The following RBFOX1 variants were observed in gnomAD, a reference collection of about 807,000 sequenced individuals.
The protein encoded by RBFOX1 is RNA binding protein fox-1 homolog 1.
In RBFOX1, 8 loss-of-function variants were observed where a neutral mutation model predicts 57.7. The observed-to-expected ratio is 0.14, with a 90% CI of 0.08 to 0.25. The LOEUF is 0.25. RBFOX1 is among the 10% of genes least tolerant of loss of function. The probability of loss-of-function intolerance (pLI) is 1.00; values close to 1 mark genes in which losing one functional copy is unlikely to be tolerated. For synonymous variants in RBFOX1, 326 were observed against 222.4 expected (o/e 1.47, Z -4.15); for missense variants, 611 against 548.5 (o/e 1.11, Z -1.14).
intron 1 of RBFOX1, among the ~76,000 whole-genome samples, chr16:6,208,818 G>C (rs1361293120): frequency 6.6e-6 from 1 of 152,102 alleles, no homozygotes; most frequent in Non-Finnish European, 1.5e-5. Flanking sequence ...TGAAGTAGTG[G>C]CTTCTGTCTT....
At chr16:5,497,826 C>A (rs1366738332) in intron 2 of RBFOX1, among the ~76,000 whole-genome samples, 5 of 151,918 alleles carry the variant, frequency 3.3e-5, no homozygotes, top group Non-Finnish European at 2.9e-5. Flanking sequence ...ATAATTGTCC[C>A]CAAGAATAAC....
intron 1 of RBFOX1, among the ~76,000 whole-genome samples, chr16:5,455,502 C>T (rs1307379989): frequency 6.6e-6 from 1 of 152,138 alleles, no homozygotes; most frequent in Non-Finnish European, 1.5e-5. Flanking sequence ...CAAAACCACC[C>T]CAAGGAGGCC....
At chr16:5,769,325 T>C (rs948087505) in intron 3 of RBFOX1, among the ~76,000 whole-genome samples, 1 of 151,918 alleles carries the variant, frequency 6.6e-6, no homozygotes, top group Non-Finnish European at 1.5e-5. Context: ...CCTAATCCAG[T>C]ATGACTGGTG....
chr16:5,415,097 A>C (rs1475563998), intron 1 of RBFOX1, among the ~76,000 whole-genome samples: 3 of 152,214 alleles, frequency 2.0e-5, no homozygotes, highest in Non-Finnish European at 4.4e-5. Flanking sequence ...GATAATGTCT[A>C]ATCACACCGT....
At chr16:6,985,343 C>T (rs2090004253) in intron 3 of RBFOX1, among the ~76,000 whole-genome samples, 1 of 152,122 alleles carries the variant, frequency 6.6e-6, no homozygotes, top group Admixed American at 6.5e-5. Context: ...TTATGCTGCA[C>T]ACACATACAT....
chr16:6,894,726 G>A (rs947118615), intron 3 of RBFOX1, among the ~76,000 whole-genome samples: 1 of 152,082 alleles, frequency 6.6e-6, no homozygotes, highest in African/African-American at 2.4e-5. Flanking sequence ...TTGTAAAAAG[G>A]TTACCAACAG....
At chr16:5,283,959 C>A (rs947808356) in intron 1 of RBFOX1, among the ~76,000 whole-genome samples, 1 of 152,066 alleles carries the variant, frequency 6.6e-6, no homozygotes, top group Non-Finnish European at 1.5e-5. Context: ...TGTGTCCCCA[C>A]CCAAATCTCA....
intron 11 of RBFOX1, 126 bp from the exon 12 acceptor site, chr16:7,653,688 CG>C (rs2065614739): frequency 7.3e-7 from 1 of 1,367,246 alleles, no homozygotes; most frequent in Non-Finnish European, 9.8e-7. Flanking sequence ...CTCTTGATTC[CG>C]GGAAGCGGGC....
intron 4 of RBFOX1, among the ~76,000 whole-genome samples, chr16:7,053,788 A>G (rs147980557): frequency 5.3e-5 from 8 of 152,274 alleles, no homozygotes; most frequent in African/African-American, 1.9e-4. Flanking sequence ...AGTCCCAAGT[A>G]TGGCTCCAAT....
intron 1 of RBFOX1, among the ~76,000 whole-genome samples, chr16:6,223,402 GT>G (rs2097391542): frequency 1.4e-5 from 2 of 147,596 alleles, no homozygotes; most frequent in Non-Finnish European, 3.0e-5. Flanking sequence ...TCTAACTGGT[GT>G]GAGATGGTAT....
At chr16:6,684,387 G>A (rs537431421) in intron 3 of RBFOX1, among the ~76,000 whole-genome samples, 1 of 152,218 alleles carries the variant, frequency 6.6e-6, no homozygotes, top group Non-Finnish European at 1.5e-5. Flanking sequence ...ATTGAGGGCA[G>A]ATGTTTTCAT....
chr16:6,806,718 C>T (rs1424743603), intron 3 of RBFOX1, among the ~76,000 whole-genome samples: 1 of 149,610 alleles, frequency 6.7e-6, no homozygotes. Context: ...CATGTATTAC[C>T]AGGGGAGCAT....
chr16:5,514,229 C>T (rs1312663188), intron 2 of RBFOX1, among the ~76,000 whole-genome samples: 1 of 152,164 alleles, frequency 6.6e-6, no homozygotes, highest in Admixed American at 6.5e-5. Context: ...TGAGGGTCTA[C>T]TGTTGGCTGA....
At chr16:6,892,822 CT>C (rs2065840160) in intron 3 of RBFOX1, among the ~76,000 whole-genome samples, 1 of 113,886 alleles carries the variant, frequency 8.8e-6, no homozygotes, top group Non-Finnish European at 1.9e-5. Flanking sequence ...CTCTCTCTCT[CT>C]CTCTATTCTG....
chr16:7,604,359 T>A (rs898748333), intron 9 of RBFOX1, among the ~76,000 whole-genome samples: 2 of 152,214 alleles, frequency 1.3e-5, no homozygotes, highest in Non-Finnish European at 2.9e-5. Flanking sequence ...GTTCCCATGA[T>A]GACCCAAGCA....
intron 4 of RBFOX1, among the ~76,000 whole-genome samples, chr16:7,305,653 T>G (rs962509942): frequency 2.0e-5 from 3 of 152,172 alleles, no homozygotes; most frequent in Non-Finnish European, 4.4e-5. Flanking sequence ...GAATGTATAT[T>G]TTTATAAAAT....
chr16:6,388,996 G>C (rs775125584), intron 2 of RBFOX1, among the ~76,000 whole-genome samples: 2 of 152,160 alleles, frequency 1.3e-5, no homozygotes, highest in South Asian at 2.1e-4. Flanking sequence ...ATCCAGCTAA[G>C]CCTTAACCCT....
intron 3 of RBFOX1, among the ~76,000 whole-genome samples, chr16:6,864,989 C>CTTTTTTTTTTTT (rs1555544471): frequency 9.5e-6 from 1 of 105,802 alleles, no homozygotes; most frequent in African/African-American, 3.8e-5. Context: ...GTGGGTTTTT[C>CTTTTTTTTTTTT]TTTTTCTTTT....
intron 3 of RBFOX1, among the ~76,000 whole-genome samples, chr16:6,883,552 A>G (rs1023112117): frequency 6.6e-6 from 1 of 152,228 alleles, no homozygotes; most frequent in Non-Finnish European, 1.5e-5. Context: ...ACACTGCCAT[A>G]TGTAACTGCT....
Sources: gnomAD v4.1 joint callset for allele counts (sites outside exome capture counted in the v4.1 genomes callset) on GRCh38, gnomAD v4.1.1 for gene constraint, MANE v1.5 for transcripts, NCBI Gene and HGNC (gene_info 2026-07-23, HGNC 2026-07-21) for gene names.